The following CCSER1 variants were observed in gnomAD, a reference collection of about 807,000 sequenced individuals.
The protein encoded by CCSER1 is serine-rich coiled-coil domain-containing protein 1.
CCSER1 carries 41 observed loss-of-function variants against 82.0 expected under a neutral mutation model. The ratio of observed to expected loss-of-function variants is 0.50; its 90% CI spans 0.39 to 0.65. CCSER1 has a LOEUF of 0.65. CCSER1 is among the 30% of genes least tolerant of loss of function. The pLI is 0.00. For missense variants in CCSER1, 1,119 were observed against 1,064.2 expected (o/e 1.05, Z -0.72); for synonymous variants, 414 against 383.9 (o/e 1.08, Z -0.92).
chr4:91,202,518 G>C (rs552650206), intron 10 of CCSER1, among the ~76,000 whole-genome samples: 14 of 151,994 alleles, frequency 9.2e-5, no homozygotes, highest in Non-Finnish European at 2.1e-4. Context: ...AGTAGCCTTT[G>C]TCACAATGTC....
chr4:90,592,140 T>C (rs1782782863), intron 5 of CCSER1, among the ~76,000 whole-genome samples: 1 of 152,108 alleles, frequency 6.6e-6, no homozygotes, highest in African/African-American at 2.4e-5. Flanking sequence ...CCATGGCACA[T>C]GTATGGCTGC....
At chr4:91,576,667 A>C (rs1446028553) in intron 10 of CCSER1, among the ~76,000 whole-genome samples, 5 of 151,988 alleles carry the variant, frequency 3.3e-5, no homozygotes, top group Non-Finnish European at 1.5e-5. Flanking sequence ...GAGGTGACTG[A>C]AGTCTAAACA....
At chr4:90,906,889 T>G (rs1258673986) in intron 8 of CCSER1, among the ~76,000 whole-genome samples, 1 of 152,164 alleles carries the variant, frequency 6.6e-6, no homozygotes, top group Non-Finnish European at 1.5e-5. Flanking sequence ...ATGCCTATAT[T>G]CAAACCCTAT....
intron 1 of CCSER1, among the ~76,000 whole-genome samples, chr4:90,205,361 G>C (rs555392444): frequency 2.9e-4 from 44 of 152,162 alleles, no homozygotes; most frequent in African/African-American, 1.0e-3. Flanking sequence ...TTTTGAGATA[G>C]GTTCCCTCAA....
Position 90,251,048 on chromosome 4 carries a change from T to C in CCSER1, c.-41-57196T>C, listed in dbSNP as rs575987755. 2.7e-4 allele frequency among the ~76,000 whole-genome samples: 41 copies of C among 152,082 alleles called. 1 individual carries two copies. In the South Asian group the frequency reaches 8.3e-3, roughly 31 times the overall value. Reference sequence around the variant, plus strand: ...GTATTCATCTTGTATCTGTCAACCTTATCAAACTTGTTTATTAGTTGCAAT... The same window carrying C: ...GTATTCATCTTGTATCTGTCAACCTCATCAAACTTGTTTATTAGTTGCAAT... On this transcript the variant is annotated intron_variant, in intron 1 of 10. Transcript: ENST00000509176.
chr4:90,761,987 A>G (rs1267790237), intron 7 of CCSER1, among the ~76,000 whole-genome samples: 2 of 152,182 alleles, frequency 1.3e-5, no homozygotes, highest in Admixed American at 6.6e-5. Flanking sequence ...TAAAAGGTTA[A>G]GGAAATATAA....
At chr4:91,064,674 AT>A (rs1486847564) in intron 9 of CCSER1, among the ~76,000 whole-genome samples, 2 of 152,220 alleles carry the variant, frequency 1.3e-5, no homozygotes, top group Non-Finnish European at 2.9e-5. Flanking sequence ...GATACAGCTA[AT>A]TCAGTGCCTC....
rs780022930 is a variant in CCSER1 at position 91,313,241 on chromosome 4, CAT to C, written c.2217+227250_2217+227251del. On this transcript the variant is annotated intron_variant, in intron 10 of 10. Transcript: ENST00000509176. ...AATATTTTTATATAATTAGTTATAACATATTCTAATTATTTATTTTTTGGTCT... is the reference window on the plus strand; with the variant it reads ...AATATTTTTATATAATTAGTTATAACATTCTAATTATTTATTTTTTGGTCT... 7.2e-5 allele frequency among the ~76,000 whole-genome samples: 11 copies of C among 151,752 alleles called. 1 individual carries two copies. In the South Asian group the frequency reaches 8.3e-4, roughly 11 times the overall value.
intron 10 of CCSER1, among the ~76,000 whole-genome samples, chr4:91,582,168 G>A (rs183315914): frequency 7.8e-4 from 119 of 151,608 alleles, no homozygotes; most frequent in Non-Finnish European, 1.3e-3. Context: ...GCAGTTATTG[G>A]AGGTCTTGCT....
At chr4:91,384,525 A>G (rs1367229680) in intron 10 of CCSER1, among the ~76,000 whole-genome samples, 2 of 152,006 alleles carry the variant, frequency 1.3e-5, no homozygotes, top group Non-Finnish European at 2.9e-5. Context: ...GTCATTTAGG[A>G]TAAGATACAA....
At chr4:90,868,528 G>A (rs573257322) in intron 8 of CCSER1, among the ~76,000 whole-genome samples, 1 of 152,060 alleles carries the variant, frequency 6.6e-6, no homozygotes, top group South Asian at 2.1e-4. Context: ...CACATTACAG[G>A]ACCTCATTCT....
chr4:90,836,997 A>T (rs1761883423), intron 8 of CCSER1, among the ~76,000 whole-genome samples: 1 of 152,194 alleles, frequency 6.6e-6, no homozygotes, highest in Non-Finnish European at 1.5e-5. Flanking sequence ...TAAAAATAAA[A>T]TTTAATCAAC....
intron 10 of CCSER1, among the ~76,000 whole-genome samples, chr4:91,443,563 G>C (rs1755348560): frequency 6.7e-6 from 1 of 149,726 alleles, no homozygotes; most frequent in Non-Finnish European, 1.5e-5. Flanking sequence ...TAAATGATGA[G>C]TTAATGGGTG....
intron 5 of CCSER1, among the ~76,000 whole-genome samples, chr4:90,487,562 T>C (rs1467298653): frequency 1.3e-5 from 2 of 152,238 alleles, no homozygotes; most frequent in African/African-American, 4.8e-5. Context: ...TGCAGGTCTT[T>C]GCACAACACC....
At chr4:90,157,026 C>T (rs1728359710) in intron 1 of CCSER1, among the ~76,000 whole-genome samples, 1 of 152,124 alleles carries the variant, frequency 6.6e-6, no homozygotes, top group Admixed American at 6.6e-5. Flanking sequence ...TGTTCCTTTC[C>T]ATGTTTAGTG....
chr4:90,495,633 C>T (rs1419445983), intron 5 of CCSER1, among the ~76,000 whole-genome samples: 1 of 151,932 alleles, frequency 6.6e-6, no homozygotes, highest in Non-Finnish European at 1.5e-5. Context: ...AAAGAAATTG[C>T]AAGTAATTAT....
intron 10 of CCSER1, among the ~76,000 whole-genome samples, chr4:91,489,778 A>G (rs1224422312): frequency 6.6e-6 from 1 of 150,646 alleles, no homozygotes; most frequent in African/African-American, 2.4e-5. Flanking sequence ...ACAGAGCGAG[A>G]CTCCATCTTA....
chr4:91,578,947 A>C (rs775169889), intron 10 of CCSER1, among the ~76,000 whole-genome samples: 45 of 151,878 alleles, frequency 3.0e-4, no homozygotes, highest in Non-Finnish European at 5.9e-4. Flanking sequence ...CTTGATTTGA[A>C]TAATACACAT....
chr4:90,881,840 C>T (rs978729059), intron 8 of CCSER1, among the ~76,000 whole-genome samples: 2 of 152,086 alleles, frequency 1.3e-5, no homozygotes, highest in African/African-American at 4.8e-5. Context: ...CCCACTTCAT[C>T]TCCCTACTCT....
Sources: gnomAD v4.1 joint callset for allele counts (sites outside exome capture counted in the v4.1 genomes callset) on GRCh38, gnomAD v4.1.1 for gene constraint, MANE v1.5 for transcripts, NCBI Gene and HGNC (gene_info 2026-07-23, HGNC 2026-07-21) for gene names.